The following ADRA1A variants were observed in gnomAD, a reference collection of about 807,000 sequenced individuals.
The protein encoded by ADRA1A is adrenoceptor alpha 1A.
ADRA1A carries 31 observed loss-of-function variants against 29.6 expected under a neutral mutation model. The ratio of observed to expected loss-of-function variants is 1.05; its 90% CI spans 0.79 to 1.41. ADRA1A has a LOEUF of 1.41. Ranked by LOEUF, ADRA1A falls within the 40% of genes most tolerant of loss-of-function variation. ADRA1A has a pLI of 0.00. For synonymous variants in ADRA1A, 311 were observed against 254.3 expected (o/e 1.22, Z -2.12); for missense variants, 619 against 601.1 (o/e 1.03, Z -0.31).
At chr8:26,839,137 G>A (rs936270532) in intron 2 of ADRA1A, among the ~76,000 whole-genome samples, 2 of 151,348 alleles carry the variant, frequency 1.3e-5, no homozygotes, top group Admixed American at 1.3e-4. Context: ...GTTAAGTGGT[G>A]CTTCACTTCT....
chr8:26,754,803 G>A (rs1184501874), downstream of ADRA1A, among the ~76,000 whole-genome samples: 3 of 152,152 alleles, frequency 2.0e-5, no homozygotes, highest in Non-Finnish European at 2.9e-5. Flanking sequence ...GCAGCTTCAA[G>A]TCTGTCCCTT....
At position 26,831,047 on chromosome 8, in the gene ADRA1A, T is replaced by A. The variant is rs1319157420; in HGVS notation, c.883+33040A>T. ...GACTTTGGGGGACTGAGGTCTTTTA[T>A]AGTTAAAGAAATATACTTAGGAGAT... On this transcript the variant is annotated intron_variant, in intron 2 of 2. Coordinates refer to ENST00000380573, the MANE Select transcript of ADRA1A (RefSeq NM_000680.4). The surrounding 1 kb of genome is among the most constrained non-coding windows in gnomAD (Gnocchi z 5.2). 6.6e-6 allele frequency among the ~76,000 whole-genome samples: 1 copy of A among 152,198 alleles called. No homozygotes were observed. The highest frequency in any genetic ancestry group is 1.5e-5 in the Non-Finnish European group (1 of 68,032).
chr8:26,762,944 G>A (rs1805585809), downstream of ADRA1A, among the ~76,000 whole-genome samples: 1 of 152,142 alleles, frequency 6.6e-6, no homozygotes, highest in Non-Finnish European at 1.5e-5. This position sits in a 1 kb window ranked among gnomAD's most constrained non-coding sequence, Gnocchi z 4.0. Flanking sequence ...AAGTGTGTCA[G>A]CTCAGGGAAA....
chr8:26,864,260 T>C lies in ADRA1A; in HGVS notation c.710A>G (p.His237Arg), dbSNP rs1262421772. The C allele has an allele frequency of 6.2e-7, 1 of 1,614,190 alleles. No individual in the cohort carries two copies. The highest frequency in any genetic ancestry group is 8.5e-7 in the Non-Finnish European group (1 of 1,180,032). The change falls in exon 2 of 3, where the codon CAT becomes CGT. Residue 237 changes from histidine (H) to arginine (R), a missense_variant. By Grantham distance (29) the His-to-Arg change is conservative. Transcript: ENST00000380573. This position sits in a 1 kb window ranked among gnomAD's most constrained non-coding sequence, Gnocchi z 8.1. The stretch of plus-strand genomic sequence containing the variant: ...GCCTCCTGCCGGGGCGTTTTTCCGA[T>C]GGATGCGGAGCGTCACTTGCTCCGA... ...SDSEQVTLRI[H>R]RKNAPAGGSG...
At chr8:26,819,745 A>G (rs1810023809) in intron 2 of ADRA1A, among the ~76,000 whole-genome samples, 1 of 152,226 alleles carries the variant, frequency 6.6e-6, no homozygotes, top group African/African-American at 2.4e-5. Context: ...GGCAATAGTA[A>G]GTAGCTATCT....
At chr8:26,764,227 A>C (rs1805655049), downstream of ADRA1A, among the ~76,000 whole-genome samples, 1 of 152,140 alleles carries the variant, frequency 6.6e-6, no homozygotes, top group South Asian at 2.1e-4. Context: ...TGGGACCTCT[A>C]CGTTCCTGAG....
At position 26,787,747 on chromosome 8, in the gene ADRA1A, C is replaced by T. The variant is rs1053112401; in HGVS notation, c.884-17081G>A. 2.0e-5 allele frequency among the ~76,000 whole-genome samples: 3 copies of T among 151,954 alleles called. No homozygotes were observed. The highest frequency in any genetic ancestry group is 6.6e-5 in the Admixed American group (1 of 15,230). The stretch of plus-strand genomic sequence containing the variant: ...TTCAGGGATGAGGGCAAGATTGTTC[C>T]CTTTTCTGTGCCTCAGTTTCCTGGC... On this transcript the variant is annotated intron_variant, in intron 2 of 2. Transcript: ENST00000380573. This position sits in a 1 kb window ranked among gnomAD's most constrained non-coding sequence, Gnocchi z 4.2.
chr8:26,858,771 T>A (rs1813223347), intron 2 of ADRA1A, among the ~76,000 whole-genome samples: 2 of 152,220 alleles, frequency 1.3e-5, no homozygotes, highest in African/African-American at 4.8e-5. Context: ...TGCTCCAAAG[T>A]ATAAATGACT....
Position 26,796,871 on chromosome 8 carries a change from G to A in ADRA1A, c.884-26205C>T, listed in dbSNP as rs1401918080. ...TTTGTTTTAAAGGCAGATATGTTCA[G>A]GACATATTGGAGAGGTTTATTCCCT... On this transcript the variant is annotated intron_variant, in intron 2 of 2. Coordinates refer to ENST00000380573, the MANE Select transcript of ADRA1A (RefSeq NM_000680.4). The surrounding 1 kb of genome is among the most constrained non-coding windows in gnomAD (Gnocchi z 5.0). Among the ~76,000 whole-genome samples, 2 of 152,126 alleles carry A rather than the reference G, an allele frequency of 1.3e-5. No individual in the cohort carries two copies. The highest frequency in any genetic ancestry group is 4.8e-5 in the African/African-American group (2 of 41,418).
At chr8:26,814,184 C>T (rs1401639027) in intron 2 of ADRA1A, among the ~76,000 whole-genome samples, 2 of 136,262 alleles carry the variant, frequency 1.5e-5, no homozygotes, top group Admixed American at 7.3e-5. Context: ...ATTACTATCT[C>T]CTATGGTGAA....
chr8:26,850,045 C>CAAAAAACA (rs1554511739), intron 2 of ADRA1A, among the ~76,000 whole-genome samples: 64 of 123,404 alleles, frequency 5.2e-4, no homozygotes, highest in African/African-American at 1.0e-3. Context: ...AAACAAAAAA[C>CAAAAAACA]AAAAAAAAAA....
At chr8:26,781,906 G>C (rs553336748) in intron 2 of ADRA1A, among the ~76,000 whole-genome samples, 11 of 152,336 alleles carry the variant, frequency 7.2e-5, no homozygotes, top group African/African-American at 2.4e-4. Context: ...TGCCAGAAAG[G>C]ACACAGGTGA....
intron 2 of ADRA1A, among the ~76,000 whole-genome samples, chr8:26,844,655 T>C (rs1017397723): frequency 6.6e-6 from 1 of 152,320 alleles, no homozygotes; most frequent in East Asian, 1.9e-4. Flanking sequence ...CAATAGATGA[T>C]GCTTGGACAA....
rs1379651232 is a variant in ADRA1A at position 26,848,163 on chromosome 8, C to T, written c.883+15924G>A. ...AGCTCCTGCAAGATGTCACTAATCC[C>T]TTGCGTGCCTCAGTTTCCTTATCTC... On this transcript the variant is annotated intron_variant, in intron 2 of 2. Coordinates refer to ENST00000380573, the MANE Select transcript of ADRA1A (RefSeq NM_000680.4). The surrounding 1 kb of genome is among the most constrained non-coding windows in gnomAD (Gnocchi z 4.3). Among the ~76,000 whole-genome samples, 1 of 152,224 alleles carries T rather than the reference C, an allele frequency of 6.6e-6. No individual in the cohort carries two copies. The highest frequency in any genetic ancestry group is 2.4e-5 in the African/African-American group (1 of 41,460).
At chr8:26,761,469 G>A (rs1449298279), downstream of ADRA1A, among the ~76,000 whole-genome samples, 3 of 152,182 alleles carry the variant, frequency 2.0e-5, no homozygotes, top group Non-Finnish European at 2.9e-5. Context: ...GTTAAATAAG[G>A]TGATGAGGGT....
chr8:26,754,252 A>C (rs117176333), downstream of ADRA1A, among the ~76,000 whole-genome samples: 3,240 of 152,354 alleles, frequency 0.021, 49 homozygotes, highest in Middle Eastern at 0.058. Context: ...ATGTTGCCAC[A>C]AATTCAAGTA....
downstream of ADRA1A, chr8:26,766,265 G>A: frequency 1.3e-6 from 1 of 760,492 alleles, no homozygotes; most frequent in South Asian, 1.6e-5. Context: ...ATGAACTGTG[G>A]TTGGTCATCA....
At position 26,866,924 on chromosome 8, in the gene ADRA1A, C is replaced by G. The variant is rs1311827969; in HGVS notation, c.-687+12G>C. The G allele has an allele frequency of 1.0e-6, 1 of 985,300 alleles. No individual in the cohort carries two copies. The highest frequency in any genetic ancestry group is 1.7e-5 in the African/African-American group (1 of 57,224). 61.0% of individuals were successfully genotyped at this position (985,300 alleles called of 1,614,324 possible). On this transcript the variant is annotated intron_variant, in intron 1 of 2. Transcript: ENST00000380573. The surrounding 1 kb of genome is among the most constrained non-coding windows in gnomAD (Gnocchi z 5.7). ...ACTCGGCCCTGCGGGACGCCGGCCC[C>G]GGCGCACTCACCTGAAGCGCCGCTG...
intron 2 of ADRA1A, among the ~76,000 whole-genome samples, chr8:26,780,792 C>A (rs1397666034): frequency 6.6e-6 from 1 of 152,140 alleles, no homozygotes; most frequent in East Asian, 1.9e-4. Context: ...GCATTAGATT[C>A]CAATAGGAGC....
Sources: allele counts gnomAD v4.1 joint callset (sites outside exome capture counted in the v4.1 genomes callset), GRCh38; gene constraint gnomAD v4.1.1; non-coding constraint Gnocchi (gnomAD v3.1); transcripts MANE v1.5; gene names NCBI Gene and HGNC (gene_info 2026-07-23, HGNC 2026-07-21).